The following CPAMD8 variants were observed in gnomAD, a reference collection of about 807,000 sequenced individuals.
The protein encoded by CPAMD8 is C3 and PZP like alpha-2-macroglobulin domain containing 8.
CPAMD8 carries 146 observed loss-of-function variants against 224.7 expected under a neutral mutation model. The ratio of observed to expected loss-of-function variants is 0.65; its 90% CI spans 0.57 to 0.75. CPAMD8 has a LOEUF of 0.75. Among genes scored for constraint, CPAMD8 ranks in the 30% least tolerant of loss-of-function variants. CPAMD8 has a pLI of 0.00. For missense variants in CPAMD8, 2,301 were observed against 2,537.5 expected, an observed-to-expected ratio of 0.91 and a Z score of 2.00; for synonymous variants, 966 against 1,044.6, an observed-to-expected ratio of 0.92 and a Z score of 1.45.
rs1469489287 is a variant in CPAMD8, at chr19:16,945,587, T to A, written c.2755A>T (p.Ile919Phe). Residue 919 changes from isoleucine to phenylalanine, a missense_variant, in exon 22 of 42, where the codon ATC (isoleucine) becomes TTC (phenylalanine). Ile to Phe is a conservative substitution (Grantham distance 21). Transcript: ENST00000443236. ...CTGCGCCTGACGTGATCCACCCCGA[T>A]GGGGACCCTCCTGTCGGCGTGATTC... The part of the protein sequence containing the change: ...EENHADRRVP[I>F]GVDHVRRSVM... 6.8e-6 allele frequency: 11 copies of A among 1,614,048 alleles called. No individual in the cohort carries two copies. The highest frequency in any genetic ancestry group is 8.5e-7 in the Non-Finnish European group (1 of 1,179,998).
intron 20 of CPAMD8, among the ~76,000 whole-genome samples, chr19:16,949,434 T>C (rs961018928): frequency 1.3e-5 from 2 of 152,014 alleles, no homozygotes; most frequent in Non-Finnish European, 2.9e-5. Context: ...CCAACCATAA[T>C]CCATATAAAA....
At chr19:17,002,626 C>T in intron 8 of CPAMD8, 1 of 298,874 alleles carries the variant, frequency 3.3e-6, no homozygotes, top group Admixed American at 4.4e-5. Context: ...CAGCCTATCC[C>T]AGGGTGGACA....
chr19:17,021,222 A>G (rs2056947387), intron 2 of CPAMD8, among the ~76,000 whole-genome samples: 1 of 152,190 alleles, frequency 6.6e-6, no homozygotes, highest in African/African-American at 2.4e-5. Context: ...CTGGCCAGCA[A>G]TACCAGTGGA....
chr19:16,893,242 G>A lies in CPAMD8; in HGVS notation c.5524C>T (p.Pro1842Ser), dbSNP rs760888996. The change falls in exon 42 of 42, where the codon CCT becomes TCT. Residue 1842 changes from proline (P) to serine (S), a missense_variant. This residue lies in a region of CPAMD8 where 1,709 missense variants were observed against 1,753.2 expected (regional missense o/e 0.97). Transcript: ENST00000443236. ...PFHRWGQTPA[P>S]QRHSGRVVGA... is the part of the protein sequence containing the mutation. Reference sequence around the variant, plus strand: ...ACCACCCGGCCACTATGTCTCTGAGGGGCCGGAGTCTGGCCCCATCTGTGG... The same window carrying A: ...ACCACCCGGCCACTATGTCTCTGAGAGGCCGGAGTCTGGCCCCATCTGTGG... 5 of 1,576,882 alleles carry A rather than the reference G, an allele frequency of 3.2e-6. No individual in the cohort carries two copies. The highest frequency in any genetic ancestry group is 4.3e-6 in the Non-Finnish European group (5 of 1,160,154).
intron 27 of CPAMD8, among the ~76,000 whole-genome samples, chr19:16,919,451 C>T (rs1438605731): frequency 6.6e-6 from 1 of 152,208 alleles, no homozygotes; most frequent in Non-Finnish European, 1.5e-5. Flanking sequence ...ACAAATCTTC[C>T]AGCCCCAGTA....
At chr19:16,895,927 A>ACACACACACACG (rs146763898) in intron 41 of CPAMD8, 1 of 518,250 alleles carries the variant, frequency 1.9e-6, no homozygotes, top group African/African-American at 2.0e-5. Flanking sequence ...ACACACACAC[A>ACACACACACACG]CGCGCGCGTG....
At chr19:16,950,193 G>A (rs529384334) in intron 20 of CPAMD8, among the ~76,000 whole-genome samples, 3 of 152,228 alleles carry the variant, frequency 2.0e-5, no homozygotes, top group Non-Finnish European at 4.4e-5. Flanking sequence ...AGCTACTCAG[G>A]AGGCTGAGGC....
intron 18 of CPAMD8, among the ~76,000 whole-genome samples, chr19:16,961,612 C>A (rs1278071933): frequency 6.6e-6 from 1 of 152,252 alleles, no homozygotes; most frequent in Non-Finnish European, 1.5e-5. Context: ...AGGCAGCAGA[C>A]AGTTTCTGCA....
At chr19:16,978,726 A>G (rs2055371159) in intron 14 of CPAMD8, among the ~76,000 whole-genome samples, 1 of 152,068 alleles carries the variant, frequency 6.6e-6, no homozygotes, top group African/African-American at 2.4e-5. Context: ...AGAAGGAGGG[A>G]TCTTCTCTGT....
In CPAMD8 at chr19:16,945,561, A is replaced by C; in HGVS notation, c.2781T>G (p.Ser927Arg). The change falls in exon 22 of 42, where the codon AGT (serine) becomes AGG (arginine). Residue 927 changes from serine to arginine, a missense_variant. This residue lies in a region of CPAMD8 where 1,709 missense variants were observed against 1,753.2 expected (regional missense o/e 0.97). Coordinates refer to ENST00000443236, the MANE Select transcript of CPAMD8 (RefSeq NM_015692.5). Reference sequence around the variant, plus strand: ...GACACGGCCTTACCTCAACCATCACACTGCGCCTGACGTGATCCACCCCGA... The same window carrying C: ...GACACGGCCTTACCTCAACCATCACCCTGCGCCTGACGTGATCCACCCCGA... The part of the protein sequence containing the change: ...VPIGVDHVRR[S>R]VMVEAEGVPR... The C allele has an allele frequency of 6.2e-7, 1 of 1,613,986 alleles. No individual in the cohort carries two copies. Among genetic ancestry groups the C allele is most frequent in the Non-Finnish European group, 8.5e-7 (1 of 1,179,916 alleles).
chr19:16,906,845 G>A (rs553241290), intron 30 of CPAMD8, 107 bp downstream of exon 30: 1 of 1,123,462 alleles, frequency 8.9e-7, no homozygotes, highest in Admixed American at 2.1e-5. Context: ...GAGTAGCTGG[G>A]ACTACATGAC....
chr19:17,001,444 C>T (rs1269562810), intron 9 of CPAMD8, among the ~76,000 whole-genome samples: 1 of 79,914 alleles, frequency 1.3e-5, no homozygotes, highest in Non-Finnish European at 2.5e-5. Context: ...GAGAGGGGAA[C>T]ATGGTGGGGT....
chr19:16,941,785 C>T (rs1425209369), intron 22 of CPAMD8, among the ~76,000 whole-genome samples: 1 of 151,890 alleles, frequency 6.6e-6, no homozygotes, highest in Non-Finnish European at 1.5e-5. Context: ...CCAGCCTGGC[C>T]AACATGGTGA....
rs779751170 is a variant in CPAMD8 at position 16,929,233 on chromosome 19, G to A, written c.2853C>T (p.Val951=). The A allele has an allele frequency of 6.2e-7, 1 of 1,602,908 alleles. No homozygotes were observed. The highest frequency in any genetic ancestry group is 1.7e-5 in the Admixed American group (1 of 59,788). Residue 951 remains valine, a synonymous_variant, in exon 24 of 42, where the codon GTC becomes GTT. Transcript: ENST00000443236. ...CATACTTGTTGGGGGTGGAGATGTG[G>A]ACTCTCTCTGGATGGAGGAAAGGAG... is the stretch of plus-strand genomic sequence containing the variant. ...YSAFFCPSER[V]HISTPNKYEF...
intron 18 of CPAMD8, among the ~76,000 whole-genome samples, chr19:16,962,347 A>G (rs564035693): frequency 5.9e-5 from 9 of 152,326 alleles, no homozygotes; most frequent in African/African-American, 2.2e-4. Flanking sequence ...AAGAACTTAA[A>G]TGACCTGATG....
intron 20 of CPAMD8, 131 bp from the exon 21 acceptor site, chr19:16,947,358 C>G (rs1208342155): frequency 6.2e-6 from 7 of 1,135,784 alleles, no homozygotes; most frequent in East Asian, 5.1e-5. Flanking sequence ...CATGCTCCCC[C>G]CGGGAAGGTC....
intron 18 of CPAMD8, among the ~76,000 whole-genome samples, chr19:16,964,998 C>T (rs1347404233): frequency 6.6e-6 from 1 of 152,136 alleles, no homozygotes; most frequent in East Asian, 1.9e-4. Flanking sequence ...CGGTGGCTCA[C>T]GCCTGTAATC....
At position 16,980,543 on chromosome 19, in the gene CPAMD8, G is replaced by A. The variant is rs767825586; in HGVS notation, c.1539C>T (p.Ala513=). The change falls in exon 14 of 42, where the codon GCC becomes GCT. Residue 513 remains alanine (A), a synonymous_variant. Coordinates refer to ENST00000443236, the MANE Select transcript of CPAMD8 (RefSeq NM_015692.5). ...HTTQQRSKRA[A]PALEKPIRLT... is the part of the protein sequence containing the mutation. ...AACGAATCGGTTTCTCCAGGGCAGG[G>A]GCCGCCCGCTTGCTTCGCTGCTGGG... The A allele has an allele frequency of 4.3e-6, 7 of 1,614,018 alleles. No homozygotes were observed. The South Asian group carries it at 7.7e-5, about 18-fold the overall frequency.
At chr19:16,981,385 T>G (rs940800591) in intron 13 of CPAMD8, among the ~76,000 whole-genome samples, 1 of 152,070 alleles carries the variant, frequency 6.6e-6, no homozygotes, top group Non-Finnish European at 1.5e-5. Context: ...AATAAAATAC[T>G]GTTTCCTAAC....
Sources: gnomAD v4.1 joint callset for allele counts (sites outside exome capture counted in the v4.1 genomes callset) on GRCh38, gnomAD v4.1.1 for gene constraint, gnomAD v4.1.1 regional missense constraint, MANE v1.5 for transcripts, NCBI Gene and HGNC (gene_info 2026-07-23, HGNC 2026-07-21) for gene names.